The following STXBP5 variants were observed in gnomAD, a reference collection of about 807,000 sequenced individuals.
STXBP5 encodes the protein syntaxin-binding protein 5.
STXBP5 carries 50 observed loss-of-function variants against 152.4 expected under a neutral mutation model. The observed-to-expected ratio is 0.33, with a 90% CI of 0.26 to 0.42. The LOEUF is 0.42. Among genes scored for constraint, STXBP5 ranks in the 10% least tolerant of loss-of-function variants. The pLI, the probability that STXBP5 is intolerant of heterozygous loss-of-function variation, is 1.00. For synonymous variants in STXBP5, 492 were observed against 494.7 expected (o/e 0.99, Z 0.07); for missense variants, 1,167 against 1,388.6 (o/e 0.84, Z 2.54).
At chr6:147,290,507 A>G (rs946427735) in intron 8 of STXBP5, among the ~76,000 whole-genome samples, 1 of 152,204 alleles carries the variant, frequency 6.6e-6, no homozygotes, top group African/African-American at 2.4e-5. Context: ...CATAGTTTCT[A>G]CAGTGAACAT....
chr6:147,331,691 T>C (rs1246296090), intron 18 of STXBP5, among the ~76,000 whole-genome samples: 1 of 151,976 alleles, frequency 6.6e-6, no homozygotes, highest in Non-Finnish European at 1.5e-5. Flanking sequence ...GTGAGAAGTT[T>C]AGAACAGTTA....
intron 4 of STXBP5, among the ~76,000 whole-genome samples, chr6:147,256,842 A>G (rs2115318243): frequency 6.6e-6 from 1 of 152,282 alleles, no homozygotes; most frequent in African/African-American, 2.4e-5. Context: ...ATATTTGCTG[A>G]GAATATAAAT....
chr6:147,301,205 AATTAGTGCAGCC>A (rs1781797567), intron 9 of STXBP5, among the ~76,000 whole-genome samples: 1 of 152,132 alleles, frequency 6.6e-6, no homozygotes, highest in African/African-American at 2.4e-5. Flanking sequence ...ATGGAATGTA[AATTAGTGCAGCC>A]ATTATTGAAA....
intron 21 of STXBP5, chr6:147,351,886 G>C: frequency 3.0e-6 from 3 of 985,320 alleles, no homozygotes; most frequent in Non-Finnish European, 3.6e-6. Context: ...CGCCCTTATG[G>C]ACTAGCAGGG....
intron 2 of STXBP5, among the ~76,000 whole-genome samples, chr6:147,231,029 G>GAAA (rs1263404163): frequency 6.6e-6 from 1 of 151,562 alleles, no homozygotes; most frequent in East Asian, 1.9e-4. Flanking sequence ...CAATCAACCA[G>GAAA]AAAAAGCCAT....
intron 8 of STXBP5, among the ~76,000 whole-genome samples, chr6:147,285,159 AG>A (rs1342137941): frequency 2.0e-5 from 3 of 152,162 alleles, no homozygotes; most frequent in Non-Finnish European, 4.4e-5. Flanking sequence ...TGAGTTATTA[AG>A]TGAGGTTTTA....
At chr6:147,348,660 G>T (rs536369229) in intron 21 of STXBP5, among the ~76,000 whole-genome samples, 1 of 152,230 alleles carries the variant, frequency 6.6e-6, no homozygotes, top group Admixed American at 6.5e-5. Context: ...GGAGTTGGGG[G>T]AGTAGTACTG....
intron 21 of STXBP5, among the ~76,000 whole-genome samples, chr6:147,340,080 T>G (rs763219897): frequency 6.6e-6 from 1 of 152,152 alleles, no homozygotes; most frequent in South Asian, 2.1e-4. Context: ...AAAAACACTT[T>G]TAGAAAAAGA....
chr6:147,371,530 C>A (rs1394117778), intron 25 of STXBP5, among the ~76,000 whole-genome samples: 1 of 152,062 alleles, frequency 6.6e-6, no homozygotes, highest in East Asian at 1.9e-4. Context: ...TCCTGAGAGG[C>A]AGTTATCATT....
At position 147,255,421 on chromosome 6, in the gene STXBP5, A is replaced by G. The variant is rs1474055485; in HGVS notation, c.432-5194A>G. 2.0e-5 allele frequency among the ~76,000 whole-genome samples: 3 copies of G among 152,210 alleles called. No individual in the cohort carries two copies. The East Asian group carries it at 5.8e-4, about 29-fold the overall frequency. ...CAATCTCCCATATTTAAGGACCTGT[A>G]GTTAGACATTGCTGGGTGGGTAGTC... On this transcript the variant is annotated intron_variant, in intron 4 of 27. Transcript: ENST00000321680.
chr6:147,303,444 G>A (rs1445889563), intron 9 of STXBP5, among the ~76,000 whole-genome samples: 1 of 152,160 alleles, frequency 6.6e-6, no homozygotes, highest in Non-Finnish European at 1.5e-5. Flanking sequence ...TGAACTGTGA[G>A]TCAATTAAAC....
intron 9 of STXBP5, among the ~76,000 whole-genome samples, chr6:147,307,613 A>G (rs2128367633): frequency 6.6e-6 from 1 of 152,310 alleles, no homozygotes; most frequent in South Asian, 2.1e-4. Context: ...ATGAAAAAAC[A>G]TATAACCTGT....
At chr6:147,337,315 C>A (rs1783881299) in intron 19 of STXBP5, among the ~76,000 whole-genome samples, 1 of 151,736 alleles carries the variant, frequency 6.6e-6, no homozygotes, top group Non-Finnish European at 1.5e-5. Context: ...CCTTCAAGTG[C>A]ATTCATGATT....
At chr6:147,292,271 ATATATTCCAACAATAGC>A (rs770400028) in intron 9 of STXBP5, 4 of 451,802 alleles carry the variant, frequency 8.9e-6, no homozygotes, top group Non-Finnish European at 1.8e-5. Flanking sequence ...GATCCAACAG[ATATATTCCAACAATAGC>A]TATATTCCAA....
chr6:147,335,801 AAAAAAAAG>A (rs1442034395), intron 19 of STXBP5, among the ~76,000 whole-genome samples: 6 of 152,132 alleles, frequency 3.9e-5, no homozygotes, highest in East Asian at 1.9e-4. Context: ...TACGTCTCAA[AAAAAAAAG>A]AAAAAAAGAA....
At position 147,204,586 on chromosome 6, in the gene STXBP5, C is replaced by T. The variant is rs1216761674; in HGVS notation, c.54C>T (p.Ser18=). 4 of 1,609,678 alleles carry T rather than the reference C, an allele frequency of 2.5e-6. No individual in the cohort carries two copies. The highest frequency in any genetic ancestry group is 2.5e-6 in the Non-Finnish European group (3 of 1,178,262). ...TGGACGGCCTGACCGCCGGCTCGTCCTCGGCGTCGCAGCAGCAACAGCAGC... is the reference window on the plus strand; with the variant it reads ...TGGACGGCCTGACCGCCGGCTCGTCTTCGGCGTCGCAGCAGCAACAGCAGC... ...KVLDGLTAGS[S]SASQQQQQQH... Residue 18 remains serine, a synonymous_variant, in exon 1 of 28, where the codon TCC becomes TCT. Coordinates refer to ENST00000321680, the MANE Select transcript of STXBP5 (RefSeq NM_001127715.4). The surrounding 1 kb of genome is among the most constrained non-coding windows in gnomAD (Gnocchi z 4.3).
chr6:147,335,875 T>TG (rs1783802341), intron 19 of STXBP5, among the ~76,000 whole-genome samples: 1 of 152,124 alleles, frequency 6.6e-6, no homozygotes, highest in South Asian at 2.1e-4. Flanking sequence ...AACTCAAACA[T>TG]GGTTCAGCAT....
At chr6:147,362,586 T>C (rs930349645) in intron 23 of STXBP5, among the ~76,000 whole-genome samples, 1 of 152,186 alleles carries the variant, frequency 6.6e-6, no homozygotes, top group Non-Finnish European at 1.5e-5. Flanking sequence ...AGAGGAATTA[T>C]GATTTTAGAG....
chr6:147,276,748 A>G (rs1430196999), intron 7 of STXBP5, among the ~76,000 whole-genome samples: 1 of 152,122 alleles, frequency 6.6e-6, no homozygotes, highest in African/African-American at 2.4e-5. Flanking sequence ...TCAGTTTATT[A>G]TTGCTTTAAG....
Sources: gnomAD v4.1 joint callset for allele counts (sites outside exome capture counted in the v4.1 genomes callset) on GRCh38, gnomAD v4.1.1 for gene constraint, Gnocchi (gnomAD v3.1) non-coding constraint, MANE v1.5 for transcripts, NCBI Gene and HGNC (gene_info 2026-07-23, HGNC 2026-07-21) for gene names.